The following SBF2 variants were observed in gnomAD, a reference collection of about 807,000 sequenced individuals.
SBF2 encodes myotubularin-related protein 13.
In SBF2, 112 loss-of-function variants were observed where a neutral mutation model predicts 225.2. The observed-to-expected ratio is 0.50, with a 90% CI of 0.43 to 0.58. The LOEUF (loss-of-function observed/expected upper bound fraction) is 0.58. Among genes scored for constraint, SBF2 ranks in the 20% least tolerant of loss-of-function variants. SBF2 has a pLI of 0.00. For missense variants in SBF2, 1,996 were observed against 2,206.2 expected, an observed-to-expected ratio of 0.90 and a Z score of 1.91; for synonymous variants, 763 against 773.3, an observed-to-expected ratio of 0.99 and a Z score of 0.22.
At chr11:9,951,971 C>T (rs1865885142) in intron 16 of SBF2, among the ~76,000 whole-genome samples, 1 of 152,184 alleles carries the variant, frequency 6.6e-6, no homozygotes, top group Admixed American at 6.5e-5. Context: ...TTATAGTATG[C>T]CCTGGGAGAG....
chr11:9,851,913 G>A (rs865826859), intron 21 of SBF2, among the ~76,000 whole-genome samples: 1 of 152,134 alleles, frequency 6.6e-6, no homozygotes, highest in Non-Finnish European at 1.5e-5. Context: ...TGGGACTACA[G>A]ATAACACCAC....
At chr11:9,799,287 A>G (rs1053171302) in intron 32 of SBF2, among the ~76,000 whole-genome samples, 2 of 152,174 alleles carry the variant, frequency 1.3e-5, no homozygotes, top group African/African-American at 4.8e-5. Context: ...GTTATGCTAG[A>G]AAGGTTAGAC....
intron 9 of SBF2, among the ~76,000 whole-genome samples, chr11:9,996,388 T>C (rs2134487011): frequency 6.6e-6 from 1 of 152,258 alleles, no homozygotes; most frequent in South Asian, 2.1e-4. Flanking sequence ...CACCTTCTTT[T>C]TTTGTTTATT....
chr11:10,119,808 T>C (rs1953349784), intron 2 of SBF2, among the ~76,000 whole-genome samples: 1 of 152,214 alleles, frequency 6.6e-6, no homozygotes, highest in African/African-American at 2.4e-5. Context: ...TATTTCAGTG[T>C]TTCTCAACTC....
Position 9,834,077 on chromosome 11 carries a change from CTTTTTATTTATTTTAT to C in SBF2, c.3456-1673_3456-1658del, listed in dbSNP as rs552250233. Among the ~76,000 whole-genome samples the C allele has an allele frequency of 2.6e-3, 391 of 151,154 alleles. 1 individual carries two copies. The highest frequency in any genetic ancestry group is 8.6e-3 in the African/African-American group (354 of 41,166). On this transcript the variant is annotated intron_variant, in intron 26 of 39. Coordinates refer to ENST00000256190, the MANE Select transcript of SBF2 (RefSeq NM_030962.4). Reference sequence around the variant, plus strand: ...AGCCACTGCGCCCGGCCCATGGTATCTTTTTATTTATTTTATTTTTTATTTATTTTTTGAGACACAG... The same window carrying C: ...AGCCACTGCGCCCGGCCCATGGTATCTTTTTATTTATTTTTTGAGACACAG...
At chr11:9,865,288 C>A (rs1858097992) in intron 17 of SBF2, among the ~76,000 whole-genome samples, 1 of 152,008 alleles carries the variant, frequency 6.6e-6, no homozygotes, top group Admixed American at 6.6e-5. Flanking sequence ...TTATAACCAA[C>A]CTGTACTGAG....
intron 6 of SBF2, among the ~76,000 whole-genome samples, chr11:10,027,902 A>G (rs1316375482): frequency 6.6e-6 from 1 of 152,158 alleles, no homozygotes; most frequent in Non-Finnish European, 1.5e-5. Flanking sequence ...AATGCAAAAT[A>G]TATCATCTAT....
intron 19 of SBF2, among the ~76,000 whole-genome samples, chr11:9,854,863 T>G (rs1857202372): frequency 1.3e-5 from 2 of 152,168 alleles, no homozygotes; most frequent in Admixed American, 1.3e-4. Flanking sequence ...AGTGCTGGGA[T>G]TATAAGGTAG....
At chr11:9,868,107 C>A (rs1307939768) in intron 17 of SBF2, among the ~76,000 whole-genome samples, 1 of 152,030 alleles carries the variant, frequency 6.6e-6, no homozygotes, top group Non-Finnish European at 1.5e-5. Context: ...CAAAATATCA[C>A]TTGTACCCCA....
intron 3 of SBF2, among the ~76,000 whole-genome samples, chr11:10,039,554 A>C (rs16907422): frequency 0.052 from 7,918 of 152,078 alleles, 299 homozygotes; most frequent in Middle Eastern, 0.16. Flanking sequence ...ACCTTTTGTA[A>C]GGTGATCGTA....
intron 2 of SBF2, among the ~76,000 whole-genome samples, chr11:10,177,295 CCT>C (rs1405529923): frequency 2.7e-5 from 4 of 148,672 alleles, no homozygotes; most frequent in Non-Finnish European, 6.0e-5. Flanking sequence ...ACAGGGATGC[CCT>C]CTCTCACCAC....
At chr11:9,902,959 T>TA (rs34639251) in intron 16 of SBF2, among the ~76,000 whole-genome samples, 36 of 141,438 alleles carry the variant, frequency 2.5e-4, no homozygotes, top group South Asian at 1.1e-3. Flanking sequence ...AATAGGAAAA[T>TA]AAAAAAAAAA....
At chr11:9,880,018 A>G (rs1859610477) in intron 17 of SBF2, among the ~76,000 whole-genome samples, 1 of 133,352 alleles carries the variant, frequency 7.5e-6, no homozygotes, top group Non-Finnish European at 1.5e-5. Flanking sequence ...TGGGATGTGG[A>G]GGTTGCAGTG....
chr11:10,225,103 T>G (rs1958486983), intron 1 of SBF2, among the ~76,000 whole-genome samples: 2 of 152,150 alleles, frequency 1.3e-5, no homozygotes, highest in African/African-American at 4.8e-5. Context: ...TTATTAAAAA[T>G]AAAGTGAACA....
chr11:10,190,897 C>T (rs929224272), intron 2 of SBF2, among the ~76,000 whole-genome samples: 1 of 152,176 alleles, frequency 6.6e-6, no homozygotes, highest in African/African-American at 2.4e-5. Flanking sequence ...AAAAGTGTCA[C>T]TCCTAGAAAT....
chr11:10,227,640 G>A (rs1309161842), intron 1 of SBF2, among the ~76,000 whole-genome samples: 6 of 152,052 alleles, frequency 3.9e-5, no homozygotes, highest in Admixed American at 2.0e-4. Context: ...GTAGATATGC[G>A]GCATTATTTC....
At chr11:10,202,206 A>T (rs1241501323) in intron 1 of SBF2, among the ~76,000 whole-genome samples, 1 of 152,240 alleles carries the variant, frequency 6.6e-6, no homozygotes, top group Non-Finnish European at 1.5e-5. Flanking sequence ...GTTGTACATC[A>T]ACATTTAAGA....
chr11:10,297,198 C>CA (rs754427282), upstream of SBF2, among the ~76,000 whole-genome samples: 11 of 151,824 alleles, frequency 7.2e-5, no homozygotes, highest in South Asian at 2.3e-3. Flanking sequence ...TTCCCCCCCC[C>CA]AAATATTTCC....
chr11:10,194,130 G>A lies in SBF2; in HGVS notation c.56-143C>T, dbSNP rs1591185624. ...CATTTTCAAGTTTTAAAAAACATGTGAGTATGCATCATCTAAACATTATGC... is the reference window on the plus strand; with the variant it reads ...CATTTTCAAGTTTTAAAAAACATGTAAGTATGCATCATCTAAACATTATGC... On this transcript the variant is annotated intron_variant, in intron 1 of 39. Transcript: ENST00000256190. 5.7e-6 allele frequency: 4 copies of A among 704,088 alleles called. No individual in the cohort carries two copies. In the East Asian group the frequency reaches 1.1e-4, roughly 19 times the overall value. 43.6% of individuals were successfully genotyped at this position (704,088 alleles called of 1,614,324 possible).
Sources: allele counts gnomAD v4.1 joint callset (sites outside exome capture counted in the v4.1 genomes callset), GRCh38; gene constraint gnomAD v4.1.1; transcripts MANE v1.5; gene names NCBI Gene and HGNC (gene_info 2026-07-23, HGNC 2026-07-21).